The following CSRP2 variants were observed in gnomAD, a reference collection of about 807,000 sequenced individuals.
CSRP2 encodes the protein cysteine and glycine rich protein 2.
In CSRP2, 18 loss-of-function variants were observed where a neutral mutation model predicts 24.6. That is an observed-to-expected ratio of 0.73 (90% CI 0.51 to 1.09). The LOEUF (loss-of-function observed/expected upper bound fraction) is 1.09, where lower values mean the gene tolerates loss of function less well. Among genes scored for constraint, CSRP2 ranks in the 50% least tolerant of loss-of-function variants. The probability of loss-of-function intolerance (pLI) is 0.00; values close to 1 mark genes in which losing one functional copy is unlikely to be tolerated. For missense variants in CSRP2, 215 were observed against 239.4 expected, an observed-to-expected ratio of 0.90 and a Z score of 0.67; for synonymous variants, 87 against 84.3, an observed-to-expected ratio of 1.03 and a Z score of -0.18.
chr12:76,859,082 G>C, intron 5 of CSRP2, 54 bp from the exon 6 acceptor site: 1 of 1,490,318 alleles, frequency 6.7e-7, no homozygotes, highest in Non-Finnish European at 9.4e-7. Flanking sequence ...AGCTTTGCTA[G>C]CACTGCTTAA....
rs911567451 is a variant in CSRP2, at chr12:76,877,951, C to T, written c.-2+987G>A. Among the ~76,000 whole-genome samples, 23 of 147,390 alleles carry T rather than the reference C, an allele frequency of 1.6e-4. 1 individual carries two copies. Among genetic ancestry groups the T allele is most frequent in the African/African-American group, 5.8e-4 (23 of 39,424 alleles). On this transcript the variant is annotated intron_variant, in intron 1 of 5. Coordinates refer to ENST00000311083, the MANE Select transcript of CSRP2 (RefSeq NM_001321.3). Reference sequence around the variant, plus strand: ...GCTGCCCGGGTTAAAAAATTACTAACTGCCCCCGCCCCACCCCCCCACCCC... The same window carrying T: ...GCTGCCCGGGTTAAAAAATTACTAATTGCCCCCGCCCCACCCCCCCACCCC...
At position 76,858,756 on chromosome 12, in the gene CSRP2, C is replaced by T. The variant is rs1054467298; in HGVS notation, c.*196G>A. 1 of 425,354 alleles carries T rather than the reference C, an allele frequency of 2.4e-6. No homozygotes were observed. Among genetic ancestry groups the T allele is most frequent in the Non-Finnish European group, 4.3e-6 (1 of 232,132 alleles). 26.3% of individuals were successfully genotyped at this position (425,354 alleles called of 1,614,324 possible). A position where few individuals can be genotyped will look rare whatever the true frequency, so the allele number is the denominator to read the frequency against. ...TTTAAAATGTAAAAGAAATGTTCCC[C>T]CAAAATGCTGGTGAATAAAGCAAAA... On this transcript the variant is annotated 3_prime_UTR_variant, in exon 6 of 6. Coordinates refer to ENST00000311083, the MANE Select transcript of CSRP2 (RefSeq NM_001321.3).
At chr12:76,866,091 A>T (rs1188385210) in intron 2 of CSRP2, 58 bp downstream of exon 2, 3 of 1,286,548 alleles carry the variant, frequency 2.3e-6, no homozygotes, top group Non-Finnish European at 3.3e-6. Context: ...TTAAATAGAC[A>T]TATTGAAGCT....
In CSRP2 at chr12:76,863,522, G is replaced by A. The variant is rs150473952; in HGVS notation, c.113-178C>T. ...GCATCTGGACTGGCCAGCTACATTC[G>A]AGGATTATTTACATTCCTCCATGGA... On this transcript the variant is annotated intron_variant, in intron 2 of 5. Coordinates refer to ENST00000311083, the MANE Select transcript of CSRP2 (RefSeq NM_001321.3). 519 of 544,182 alleles carry A rather than the reference G, an allele frequency of 9.5e-4. 4 individuals are homozygous for A. Among genetic ancestry groups the A allele is most frequent in the African/African-American group, 9.4e-3 (491 of 52,502 alleles). The allele number at this position is 544,182 out of a possible 1,614,324, so 33.7% of individuals were successfully genotyped here.
chr12:76,863,569 G>C, intron 2 of CSRP2: 1 of 444,282 alleles, frequency 2.3e-6, no homozygotes, highest in Non-Finnish European at 4.0e-6. Flanking sequence ...CTTCAGAAAT[G>C]TATCAGAATA....
Position 76,859,652 on chromosome 12 carries a change from G to T in CSRP2, c.412-12C>A. On this transcript the variant is annotated splice_polypyrimidine_tract_variant and intron_variant, in intron 4 of 5. Transcript: ENST00000311083. Reference sequence around the variant, plus strand: ...TTTTTGTGCCAGGGCTGGAAGAGATGAATGTGTCAGCATGTTTGAGAGGCC... The same window carrying T: ...TTTTTGTGCCAGGGCTGGAAGAGATTAATGTGTCAGCATGTTTGAGAGGCC... 1.9e-6 allele frequency: 3 copies of T among 1,601,316 alleles called. No homozygotes were observed. Among genetic ancestry groups the T allele is most frequent in the Non-Finnish European group, 2.6e-6 (3 of 1,171,540 alleles).
intron 1 of CSRP2, among the ~76,000 whole-genome samples, chr12:76,869,436 G>A (rs1041329760): frequency 6.6e-6 from 1 of 151,938 alleles, no homozygotes; most frequent in Non-Finnish European, 1.5e-5. Context: ...CCAATCAACT[G>A]TGCCTTATCT....
chr12:76,862,645 G>A (rs1313932505), intron 3 of CSRP2: 7 of 939,976 alleles, frequency 7.4e-6, no homozygotes, highest in Non-Finnish European at 7.1e-6. Flanking sequence ...ACCTTGATAC[G>A]TTGGCAACAA....
chr12:76,866,015 A>G, intron 2 of CSRP2, 134 bp downstream of exon 2: 1 of 672,408 alleles, frequency 1.5e-6, no homozygotes, highest in Non-Finnish European at 2.6e-6. Flanking sequence ...TACAACATCT[A>G]AGAAGACAGG....
rs1280456313 is a variant in CSRP2 at position 76,866,268 on chromosome 12, G to A, written c.-1-7C>T. ...ACCTCCCCAGACAGGCATTCTGAAGGAATAAAGGATTCATTAGAATGTCCC... is the reference window on the plus strand; with the variant it reads ...ACCTCCCCAGACAGGCATTCTGAAGAAATAAAGGATTCATTAGAATGTCCC... On this transcript the variant is annotated splice_region_variant and splice_polypyrimidine_tract_variant and intron_variant, in intron 1 of 5. Coordinates refer to ENST00000311083, the MANE Select transcript of CSRP2 (RefSeq NM_001321.3). The A allele has an allele frequency of 3.7e-6, 6 of 1,606,884 alleles. No individual in the cohort carries two copies. The highest frequency in any genetic ancestry group is 5.1e-6 in the Non-Finnish European group (6 of 1,173,538).
chr12:76,873,083 A>G (rs1953817666), intron 1 of CSRP2, among the ~76,000 whole-genome samples: 1 of 152,202 alleles, frequency 6.6e-6, no homozygotes, highest in Non-Finnish European at 1.5e-5. Flanking sequence ...CCTGAAACTA[A>G]AAGTTTGGAT....
intron 1 of CSRP2, among the ~76,000 whole-genome samples, chr12:76,871,527 T>C (rs1423691365): frequency 1.3e-5 from 2 of 152,072 alleles, no homozygotes; most frequent in African/African-American, 2.4e-5. Flanking sequence ...TCCCAGCACT[T>C]TGGGAGGCCA....
chr12:76,878,757 T>A (rs1592516366), intron 1 of CSRP2, among the ~76,000 whole-genome samples, 181 bp downstream of exon 1: 2 of 151,858 alleles, frequency 1.3e-5, no homozygotes, highest in African/African-American at 4.8e-5. Context: ...AGAGAGAAAA[T>A]CTGGGGCGCA....
chr12:76,868,330 C>A (rs1259724666), intron 1 of CSRP2, among the ~76,000 whole-genome samples: 4 of 152,208 alleles, frequency 2.6e-5, no homozygotes, highest in African/African-American at 9.6e-5. Context: ...CCATAATTCC[C>A]ATGTGTTGTG....
chr12:76,874,020 C>A (rs1450383270), intron 1 of CSRP2, among the ~76,000 whole-genome samples: 1 of 152,154 alleles, frequency 6.6e-6, no homozygotes, highest in Non-Finnish European at 1.5e-5. Context: ...TAAGGAAAGG[C>A]CCGTTTTGCA....
chr12:76,874,772 T>C (rs1165128150), intron 1 of CSRP2, among the ~76,000 whole-genome samples: 4 of 152,068 alleles, frequency 2.6e-5, no homozygotes, highest in Admixed American at 6.6e-5. Context: ...TAGATTCTCA[T>C]AGGAGCGGGA....
intron 1 of CSRP2, among the ~76,000 whole-genome samples, chr12:76,877,370 C>A (rs1953862512): frequency 6.6e-6 from 1 of 152,212 alleles, no homozygotes; most frequent in African/African-American, 2.4e-5. Flanking sequence ...CAGTATCAAT[C>A]AATATTTGTT....
chr12:76,861,999 T>C (rs1253512005), intron 3 of CSRP2: 2 of 152,162 alleles, frequency 1.3e-5, no homozygotes, highest in Non-Finnish European at 2.9e-5. Flanking sequence ...TTGGGCAAAG[T>C]TTTTACTTAA....
At chr12:76,864,645 G>T (rs546479399) in intron 2 of CSRP2, 6 of 151,854 alleles carry the variant, frequency 4.0e-5, no homozygotes, top group African/African-American at 4.8e-5. Flanking sequence ...AATAAAAGGG[G>T]GGGGGTTGAA....
Sources: allele counts gnomAD v4.1 joint callset (sites outside exome capture counted in the v4.1 genomes callset), GRCh38; gene constraint gnomAD v4.1.1; transcripts MANE v1.5; gene names NCBI Gene and HGNC (gene_info 2026-07-23, HGNC 2026-07-21).